MFN2: variants seen among roughly 807,000 people sequenced by gnomAD.
MFN2 encodes mitofusin-2.
Under a neutral mutation model 87.5 loss-of-function variants are expected in MFN2, and 43 were observed. That is an observed-to-expected ratio of 0.49 (90% CI 0.38 to 0.63). The LOEUF (loss-of-function observed/expected upper bound fraction) is 0.63. Ranked by LOEUF, MFN2 falls within the 30% of genes least tolerant of loss-of-function variation. MFN2 has a pLI of 0.00. For synonymous variants in MFN2, 337 were observed against 359.9 expected (o/e 0.94, Z 0.72); for missense variants, 743 against 972.8 (o/e 0.76, Z 3.14).
chr1:12,008,995 G>A (rs1639568545), intron 17 of MFN2, among the ~76,000 whole-genome samples: 1 of 152,234 alleles, frequency 6.6e-6, no homozygotes, highest in Admixed American at 6.5e-5. Flanking sequence ...GTTAGGAGCT[G>A]GAGACCAGCG....
Position 11,980,460 on chromosome 1 carries a change from C to G in MFN2, c.-174C>G. ...GCTGGTGACGTAGTGAGTGTGATGG[C>G]CGCCGCGAGGCCGGGAAGGTGAAGG... On this transcript the variant is annotated 5_prime_UTR_variant, in exon 1 of 19. Coordinates refer to ENST00000235329, the MANE Select transcript of MFN2 (RefSeq NM_014874.4). 2.5e-6 allele frequency: 1 copy of G among 398,350 alleles called. No individual in the cohort carries two copies. Among genetic ancestry groups the G allele is most frequent in the Non-Finnish European group, 4.4e-6 (1 of 225,862 alleles). The allele number at this position is 398,350 out of a possible 1,614,324, so 24.7% of individuals were successfully genotyped here. A position where few individuals can be genotyped will look rare whatever the true frequency, so the allele number is the denominator to read the frequency against.
At position 11,992,543 on chromosome 1, in the gene MFN2, C is replaced by T. The variant is rs1484472290; in HGVS notation, c.176-12C>T. On this transcript the variant is annotated splice_polypyrimidine_tract_variant and intron_variant, in intron 3 of 18. Transcript: ENST00000235329. ...GACCACGTGGTGACCCATTTTCAAT[C>T]CCCACCTCCAGACACGTACAGGAAT... The T allele has an allele frequency of 6.2e-7, 1 of 1,614,156 alleles. No homozygotes were observed.
chr1:12,011,128 A>G (rs1272503795), intron 18 of MFN2, among the ~76,000 whole-genome samples: 1 of 152,190 alleles, frequency 6.6e-6, no homozygotes, highest in African/African-American at 2.4e-5. Flanking sequence ...GCTGCTTGTC[A>G]GCCACAGTGA....
At chr1:11,989,379 C>A (rs1638576989) in intron 3 of MFN2, 36 bp downstream of exon 3, 6 of 1,609,408 alleles carry the variant, frequency 3.7e-6, no homozygotes, top group African/African-American at 1.3e-5. Context: ...CCCGCTCTTA[C>A]CTGTTTAGAT....
At chr1:12,000,326 A>G (rs1031780772) in intron 8 of MFN2, among the ~76,000 whole-genome samples, 8 of 151,858 alleles carry the variant, frequency 5.3e-5, no homozygotes, top group Non-Finnish European at 1.2e-4. Flanking sequence ...AGTAGCTGGG[A>G]TTACAGGCAC....
intron 2 of MFN2, among the ~76,000 whole-genome samples, chr1:11,986,447 C>T (rs1277091196): frequency 6.6e-6 from 1 of 152,152 alleles, no homozygotes; most frequent in Non-Finnish European, 1.5e-5. Flanking sequence ...TGCCCTTTGA[C>T]TTCCTGGGAT....
At chr1:12,005,116 C>T (rs370025500) in intron 14 of MFN2, among the ~76,000 whole-genome samples, 189 bp downstream of exon 14, 1 of 152,336 alleles carries the variant, frequency 6.6e-6, no homozygotes, top group East Asian at 1.9e-4. Flanking sequence ...GAGTCGCACT[C>T]CGTAACCCAG....
At position 12,004,817 on chromosome 1, in the gene MFN2, G is replaced by T; in HGVS notation, c.1393-8G>T. 1 of 1,612,422 alleles carries T rather than the reference G, an allele frequency of 6.2e-7. No homozygotes were observed. Among genetic ancestry groups the T allele is most frequent in the Non-Finnish European group, 8.5e-7 (1 of 1,178,680 alleles). Reference sequence around the variant, plus strand: ...ATGCTTCTCTTAACTTCCCTCTTCTGGTGGCAGGAGCTGCACCGCCACATA... The same window carrying T: ...ATGCTTCTCTTAACTTCCCTCTTCTTGTGGCAGGAGCTGCACCGCCACATA... On this transcript the variant is annotated splice_region_variant and splice_polypyrimidine_tract_variant and intron_variant, in intron 13 of 18. Coordinates refer to ENST00000235329, the MANE Select transcript of MFN2 (RefSeq NM_014874.4). This position sits in a 1 kb window ranked among gnomAD's most constrained non-coding sequence, Gnocchi z 4.2.
intron 4 of MFN2, among the ~76,000 whole-genome samples, chr1:11,993,956 C>G (rs1294271847): frequency 4.6e-5 from 7 of 152,098 alleles, no homozygotes; most frequent in African/African-American, 9.7e-5. Context: ...TGAACCATTT[C>G]TGCCCTTATC....
Position 11,993,714 on chromosome 1 carries a change from C to T in MFN2, c.311+1024C>T, listed in dbSNP as rs1335965167. 6.4e-5 allele frequency among the ~76,000 whole-genome samples: 9 copies of T among 140,176 alleles called. No homozygotes were observed. In the South Asian group the frequency reaches 6.7e-4, roughly 10 times the overall value. The allele number at this position is 140,176 out of a possible 152,430, so 92.0% of individuals were successfully genotyped here. ...TCGGGCCACTGCACTCCAGCCTGGG[C>T]GACAGTGAGACTCCATCTCAAAAAA... On this transcript the variant is annotated intron_variant, in intron 4 of 18. Coordinates refer to ENST00000235329, the MANE Select transcript of MFN2 (RefSeq NM_014874.4).
At chr1:12,005,518 A>G (rs1639367213) in intron 14 of MFN2, among the ~76,000 whole-genome samples, 193 bp from the exon 15 acceptor site, 1 of 152,358 alleles carries the variant, frequency 6.6e-6, no homozygotes. Flanking sequence ...ATCTGAGTCC[A>G]CACTTGCCTG....
chr1:11,998,203 G>C (rs1034394012), intron 6 of MFN2, among the ~76,000 whole-genome samples: 3 of 151,748 alleles, frequency 2.0e-5, no homozygotes, highest in Non-Finnish European at 4.4e-5. Context: ...CTTTAAAGTA[G>C]AATTACAAGT....
rs1639199886 is a variant in MFN2, at chr1:12,002,048, G to A, written c.1105G>A (p.Ala369Thr). 3 of 1,614,230 alleles carry A rather than the reference G, an allele frequency of 1.9e-6. No individual in the cohort carries two copies. Among genetic ancestry groups the A allele is most frequent in the Non-Finnish European group, 2.5e-6 (3 of 1,180,044 alleles). ...EQHTVRAKQI[A>T]EAVRLIMDSL... is the part of the protein sequence containing the mutation. ...GCACACGGTCCGGGCCAAGCAGATT[G>A]CAGAGGCGGTTCGACTCATCATGGA... The change falls in exon 11 of 19, where the codon GCA (alanine) becomes ACA (threonine). Residue 369 changes from alanine to threonine, a missense_variant. Ala to Thr is a moderately conservative substitution (Grantham distance 58). Coordinates refer to ENST00000235329, the MANE Select transcript of MFN2 (RefSeq NM_014874.4).
Position 12,013,439 on chromosome 1 carries a change from A to G in MFN2, c.*1874A>G, listed in dbSNP as rs1488321416. 2.2e-6 allele frequency: 1 copy of G among 460,380 alleles called. No homozygotes were observed. Among genetic ancestry groups the G allele is most frequent in the African/African-American group, 2.0e-5 (1 of 49,620 alleles). The allele number at this position is 460,380 out of a possible 1,614,324, so 28.5% of individuals were successfully genotyped here. ...TTCTCTGATGTATTTAAGGTGATGT[A>G]TTTGCTTGAGTTACTCCTGTATCAT... On this transcript the variant is annotated 3_prime_UTR_variant, in exon 19 of 19. Coordinates refer to ENST00000235329, the MANE Select transcript of MFN2 (RefSeq NM_014874.4).
chr1:12,005,922 C>T lies in MFN2; in HGVS notation c.1707C>T (p.Tyr569=), dbSNP rs1569866075. 6.2e-7 allele frequency: 1 copy of T among 1,613,460 alleles called. No homozygotes were observed. Among genetic ancestry groups the T allele is most frequent in the East Asian group, 2.2e-5 (1 of 44,884 alleles). Residue 569 remains tyrosine, a synonymous_variant, in exon 15 of 19, where the codon TAC becomes TAT. Transcript: ENST00000235329. The part of the protein sequence containing the change: ...PKNSRRALMG[Y]NDQVQRPIPL... ...ACAGCCGTCGGGCCTTGATGGGCTA[C>T]AATGACCAGGCAAGCAAAGTTCCTC...
chr1:12,007,144 A>G lies in MFN2; in HGVS notation c.1964A>G (p.Lys655Arg). 6.2e-7 allele frequency: 1 copy of G among 1,614,216 alleles called. No homozygotes were observed. The highest frequency in any genetic ancestry group is 8.5e-7 in the Non-Finnish European group (1 of 1,180,042). ...YVYERLTWTT[K>R]AKERAFKRQF... ...TATGAGCGTCTGACCTGGACCACCA[A>G]GGCCAAGGAGAGGGCCTTCAAGCGC... Residue 655 changes from lysine to arginine, a missense_variant, in exon 17 of 19, where the codon AAG (lysine) becomes AGG (arginine). Physicochemically the swap from Lys to Arg is conservative, Grantham distance 26. Around this residue, in one of 3 missense-constraint regions of MFN2, gnomAD observed 571 missense variants for 670.7 expected, o/e 0.85. Coordinates refer to ENST00000235329, the MANE Select transcript of MFN2 (RefSeq NM_014874.4).
chr1:11,984,294 G>A (rs114281502), intron 2 of MFN2, among the ~76,000 whole-genome samples: 1,834 of 152,266 alleles, frequency 0.012, 12 homozygotes, highest in African/African-American at 0.024. Context: ...CCGTGATAGC[G>A]GGTAAGGGAG....
intron 3 of MFN2, 44 bp downstream of exon 3, chr1:11,989,387 G>T (rs751738549): frequency 1.2e-6 from 2 of 1,603,100 alleles, no homozygotes; most frequent in South Asian, 1.1e-5. Context: ...TACCTGTTTA[G>T]ATATTTAGCT....
At position 11,995,136 on chromosome 1, in the gene MFN2, C is replaced by T. The variant is rs546888976; in HGVS notation, c.312-1020C>T. ...AGCTATAGTCTATATATAGGTGGTA[C>T]CTATAGTCTAAGCTACTTGGGAGGC... On this transcript the variant is annotated intron_variant, in intron 4 of 18. Coordinates refer to ENST00000235329, the MANE Select transcript of MFN2 (RefSeq NM_014874.4). 5.3e-5 allele frequency among the ~76,000 whole-genome samples: 8 copies of T among 152,124 alleles called. No homozygotes were observed. In the South Asian group the frequency reaches 8.3e-4, roughly 16 times the overall value.
Sources: gnomAD v4.1 joint callset for allele counts (sites outside exome capture counted in the v4.1 genomes callset) on GRCh38, gnomAD v4.1.1 for gene constraint, gnomAD v4.1.1 regional missense constraint, Gnocchi (gnomAD v3.1) non-coding constraint, MANE v1.5 for transcripts, NCBI Gene and HGNC (gene_info 2026-07-23, HGNC 2026-07-21) for gene names.